The following GTF2F1 variants were observed in gnomAD, a reference collection of about 807,000 sequenced individuals.
GTF2F1 encodes general transcription factor IIF subunit 1.
Under a neutral mutation model 63.5 loss-of-function variants are expected in GTF2F1, and 39 were observed. The ratio of observed to expected loss-of-function variants is 0.61; its 90% confidence interval spans 0.48 to 0.80. The LOEUF (loss-of-function observed/expected upper bound fraction) is 0.80, where lower values mean the gene tolerates loss of function less well. Ranked by LOEUF, GTF2F1 falls within the 30% of genes least tolerant of loss-of-function variation. GTF2F1 has a pLI of 0.00. For synonymous variants in GTF2F1, 287 were observed against 285.3 expected, an observed-to-expected ratio of 1.01 and a Z score of -0.06; for missense variants, 657 against 718.3, an observed-to-expected ratio of 0.91 and a Z score of 0.97.
chr19:6,387,614 G>GCCTC, intron 4 of GTF2F1, 55 bp from the exon 5 acceptor site: 1 of 1,294,950 alleles, frequency 7.7e-7, no homozygotes, highest in Non-Finnish European at 1.1e-6. Context: ...CAGCCCCCCC[G>GCCTC]TGTCCCCCCG....
rs777511430 is a variant in GTF2F1, at chr19:6,391,921, T to C, written c.113A>G (p.Asn38Ser). ...IMAFNAADKVNFATWNQARLE... is the reference protein window; with the variant it reads ...IMAFNAADKVSFATWNQARLE... ...ACTTACCTGATTCCACGTAGCAAAG[T>C]TGACTTTGTCGGCTGCATTAAAAGC... The change falls in exon 3 of 13, where the codon AAC (asparagine) becomes AGC (serine). Residue 38 changes from asparagine to serine, a missense_variant. By Grantham distance (46) the Asn-to-Ser change is conservative. This residue lies in a region of GTF2F1 where 602 missense variants were observed against 625.6 expected (regional missense o/e 0.96). Transcript: ENST00000394456. The C allele has an allele frequency of 1.4e-5, 22 of 1,583,636 alleles. No homozygotes were observed. Among genetic ancestry groups the C allele is most frequent in the South Asian group, 2.3e-5 (2 of 86,730 alleles).
At position 6,392,906 on chromosome 19, in the gene GTF2F1, G is replaced by C. The variant is rs368899356; in HGVS notation, c.13-3C>G. The C allele has an allele frequency of 3.1e-6, 5 of 1,614,180 alleles. No homozygotes were observed. The highest frequency in any genetic ancestry group is 4.2e-6 in the Non-Finnish European group (5 of 1,180,016). ...GTGACATTCTGGCTGCTAGGGCCCT[G>C]CGGAAAGAGGAAGCGGTGAGTGAGG... On this transcript the variant is annotated splice_region_variant and splice_polypyrimidine_tract_variant and intron_variant, in intron 1 of 12. Coordinates refer to ENST00000394456, the MANE Select transcript of GTF2F1 (RefSeq NM_002096.3).
In GTF2F1 at chr19:6,389,450, C is replaced by T; in HGVS notation, c.320G>A (p.Gly107Asp). 1 of 1,613,606 alleles carries T rather than the reference C, an allele frequency of 6.2e-7. No homozygotes were observed. The highest frequency in any genetic ancestry group is 8.5e-7 in the Non-Finnish European group (1 of 1,179,608). ...PWLLRVNGKS[G>D]RKFKGIKKGG... ...CCACCGCCCCACCACTTACTTCCTGCCTGATTTGCCGTTGACCCGGAGCAG... is the reference window on the plus strand; with the variant it reads ...CCACCGCCCCACCACTTACTTCCTGTCTGATTTGCCGTTGACCCGGAGCAG... Residue 107 changes from glycine (G) to aspartate (D), a missense_variant, in exon 4 of 13, where the codon GGC becomes GAC. Physicochemically the swap from Gly to Asp is moderately conservative, Grantham distance 94. This residue lies in a region of GTF2F1 where 602 missense variants were observed against 625.6 expected (regional missense o/e 0.96). Coordinates refer to ENST00000394456, the MANE Select transcript of GTF2F1 (RefSeq NM_002096.3).
At chr19:6,392,110 T>C in intron 2 of GTF2F1, 136 bp from the exon 3 acceptor site, 1 of 679,924 alleles carries the variant, frequency 1.5e-6, no homozygotes, top group Non-Finnish European at 2.7e-6. Context: ...ATTACTTTAA[T>C]TCAATCACTC....
intron 2 of GTF2F1, among the ~76,000 whole-genome samples, chr19:6,392,609 C>G (rs1235821321): frequency 6.6e-6 from 1 of 152,192 alleles, no homozygotes. Flanking sequence ...ATCATGGGAC[C>G]ATATACTCCT....
At position 6,381,086 on chromosome 19, in the gene GTF2F1, C is replaced by A; in HGVS notation, c.1092+36G>T. On this transcript the variant is annotated intron_variant, in intron 10 of 12. Coordinates refer to ENST00000394456, the MANE Select transcript of GTF2F1 (RefSeq NM_002096.3). The surrounding 1 kb of genome is among the most constrained non-coding windows in gnomAD (Gnocchi z 4.1). ...GGAGGTGGGTGAGTCTGCAAACAGA[C>A]GCCCAGGCCTCCCCCGCCACCGGGC... The A allele has an allele frequency of 6.2e-7, 1 of 1,605,488 alleles. No homozygotes were observed. Among genetic ancestry groups the A allele is most frequent in the Non-Finnish European group, 8.5e-7 (1 of 1,176,134 alleles).
chr19:6,383,288 A>C lies in GTF2F1; in HGVS notation c.682+23T>G, dbSNP rs2091960693. ...GCCTGAGCAGGCACCTCTGTGACCT[A>C]ATGCCCAGGCGCCCGTACTCACCCT... On this transcript the variant is annotated intron_variant, in intron 6 of 12. Coordinates refer to ENST00000394456, the MANE Select transcript of GTF2F1 (RefSeq NM_002096.3). The surrounding 1 kb of genome is among the most constrained non-coding windows in gnomAD (Gnocchi z 4.5). The C allele has an allele frequency of 6.2e-7, 1 of 1,610,012 alleles. No homozygotes were observed. Among genetic ancestry groups the C allele is most frequent in the Non-Finnish European group, 8.5e-7 (1 of 1,177,496 alleles).
At position 6,383,339 on chromosome 19, in the gene GTF2F1, GGAC is replaced by G. The variant is rs1568329861; in HGVS notation, c.651_653del (p.Ser218del). Reference sequence around the variant, plus strand: ...CCTCACCACTGGCATCACTGGCATCGGACGACATCTCCAGGTCGTCCTCCAGGT... The same window carrying G: ...CCTCACCACTGGCATCACTGGCATCGGACATCTCCAGGTCGTCCTCCAGGT... On this transcript the variant is annotated inframe_deletion, in exon 6 of 13. Coordinates refer to ENST00000394456, the MANE Select transcript of GTF2F1 (RefSeq NM_002096.3). This position sits in a 1 kb window ranked among gnomAD's most constrained non-coding sequence, Gnocchi z 4.5. 2.5e-6 allele frequency: 4 copies of G among 1,614,028 alleles called. No homozygotes were observed. The highest frequency in any genetic ancestry group is 2.5e-6 in the Non-Finnish European group (3 of 1,180,040).
chr19:6,389,944 T>C lies in GTF2F1; in HGVS notation c.133-307A>G, dbSNP rs553847900. On this transcript the variant is annotated intron_variant, in intron 3 of 12. Coordinates refer to ENST00000394456, the MANE Select transcript of GTF2F1 (RefSeq NM_002096.3). ...GGCAAAATTCCTTATCTGAGGAATGTAGAAGTAATTAATTAGACTTCCCTA... is the reference window on the plus strand; with the variant it reads ...GGCAAAATTCCTTATCTGAGGAATGCAGAAGTAATTAATTAGACTTCCCTA... Among the ~76,000 whole-genome samples the C allele has an allele frequency of 5.9e-4, 90 of 152,372 alleles. 1 individual carries two copies. The highest frequency in any genetic ancestry group is 8.5e-4 in the Non-Finnish European group (58 of 68,032).
At chr19:6,384,622 T>C (rs553071993) in intron 5 of GTF2F1, among the ~76,000 whole-genome samples, 2 of 151,844 alleles carry the variant, frequency 1.3e-5, no homozygotes, top group East Asian at 3.9e-4. Context: ...TTTACCACAC[T>C]GAGCCATGCA....
In GTF2F1 at chr19:6,383,541, C is replaced by G; in HGVS notation, c.498-46G>C. On this transcript the variant is annotated intron_variant, in intron 5 of 12. Transcript: ENST00000394456. This position sits in a 1 kb window ranked among gnomAD's most constrained non-coding sequence, Gnocchi z 4.5. The stretch of plus-strand genomic sequence containing the variant: ...GGCTCATGCCGGGCCTGGCACCACC[C>G]TGCATCTGTGCTTGCAGGGGGCGAG... 6.3e-7 allele frequency: 1 copy of G among 1,593,736 alleles called. No individual in the cohort carries two copies. Among genetic ancestry groups the G allele is most frequent in the Non-Finnish European group, 8.6e-7 (1 of 1,167,940 alleles).
In GTF2F1 at chr19:6,380,615, G is replaced by A. The variant is rs73563878; in HGVS notation, c.1307C>T (p.Ser436Leu). The change falls in exon 12 of 13, where the codon TCG (serine) becomes TTG (leucine). Residue 436 changes from serine (S) to leucine (L), a missense_variant. Around this residue, in one of 2 missense-constraint regions of GTF2F1, gnomAD observed 602 missense variants for 625.6 expected, o/e 0.96. Transcript: ENST00000394456. The surrounding 1 kb of genome is among the most constrained non-coding windows in gnomAD (Gnocchi z 5.3). Reference protein sequence around the residue: ...DTGPQSLSGKSTPQPPSGKTT... With the variant: ...DTGPQSLSGKLTPQPPSGKTT... ...CTTGCCTGATGGTGGCTGGGGTGTC[G>A]ACTTCCCAGACAGGCTCTGGGGTCC... 7.1e-5 allele frequency: 115 copies of A among 1,613,870 alleles called. No individual in the cohort carries two copies. The African/African-American group carries it at 8.9e-4, about 13-fold the overall frequency.
At position 6,383,555 on chromosome 19, in the gene GTF2F1, G is replaced by C; in HGVS notation, c.498-60C>G. ...CTGGCACCACCCTGCATCTGTGCTT[G>C]CAGGGGGCGAGCCCCAGGGCACCAC... On this transcript the variant is annotated intron_variant, in intron 5 of 12. Coordinates refer to ENST00000394456, the MANE Select transcript of GTF2F1 (RefSeq NM_002096.3). The surrounding 1 kb of genome is among the most constrained non-coding windows in gnomAD (Gnocchi z 4.5). 6.4e-7 allele frequency: 1 copy of C among 1,569,424 alleles called. No individual in the cohort carries two copies. Among genetic ancestry groups the C allele is most frequent in the Non-Finnish European group, 8.7e-7 (1 of 1,150,282 alleles).
chr19:6,387,977 T>C lies in GTF2F1; in HGVS notation c.327-418A>G, dbSNP rs189034192. On this transcript the variant is annotated intron_variant, in intron 4 of 12. Transcript: ENST00000394456. Reference sequence around the variant, plus strand: ...TGGAGTCTCGCTCTGGCACCCAGGCTGGAGTGCAGTGGCACCATCTCAGCT... The same window carrying C: ...TGGAGTCTCGCTCTGGCACCCAGGCCGGAGTGCAGTGGCACCATCTCAGCT... Among the ~76,000 whole-genome samples, 50 of 149,998 alleles carry C rather than the reference T, an allele frequency of 3.3e-4. No individual in the cohort carries two copies. The East Asian group carries it at 8.9e-3, about 27-fold the overall frequency.
intron 3 of GTF2F1, among the ~76,000 whole-genome samples, chr19:6,389,989 G>A (rs148378875): frequency 8.5e-4 from 129 of 152,332 alleles, no homozygotes; most frequent in Admixed American, 5.6e-3. Context: ...GCAGGCATCT[G>A]GTTCCAGGAT....
chr19:6,391,300 CCAGATAAACCATGGCCA>C (rs1270914414), intron 3 of GTF2F1, among the ~76,000 whole-genome samples: 1 of 152,168 alleles, frequency 6.6e-6, no homozygotes, highest in Non-Finnish European at 1.5e-5. Context: ...CCTCCCTTGC[CCAGATAAACCATGGCCA>C]AAAATGTCCA....
chr19:6,386,367 A>G (rs1398867566), intron 5 of GTF2F1, among the ~76,000 whole-genome samples: 1 of 151,606 alleles, frequency 6.6e-6, no homozygotes. Flanking sequence ...CAGCCTGGGC[A>G]ACAAGAGCGA....
In GTF2F1 at chr19:6,380,574, CGCT is replaced by C. The variant is rs1568328365; in HGVS notation, c.1345_1347del (p.Ser449del). ...CCCCTGCTGTCCTCGTCAACTTACC[CGCT>C]GTTGGGTGTTGTCTTGCCTGATGGT... On this transcript the variant is annotated inframe_deletion and splice_region_variant, in exon 12 of 13. Transcript: ENST00000394456. The surrounding 1 kb of genome is among the most constrained non-coding windows in gnomAD (Gnocchi z 5.3). 3 of 1,613,858 alleles carry C rather than the reference CGCT, an allele frequency of 1.9e-6. No homozygotes were observed. The highest frequency in any genetic ancestry group is 1.7e-5 in the Admixed American group (1 of 60,006).
chr19:6,385,518 G>A (rs1283999264), intron 5 of GTF2F1, among the ~76,000 whole-genome samples: 3 of 151,444 alleles, frequency 2.0e-5, no homozygotes, highest in Non-Finnish European at 4.4e-5. Flanking sequence ...AGATTCTAAG[G>A]AAAATACAGC....
Sources: gnomAD v4.1 joint callset for allele counts (sites outside exome capture counted in the v4.1 genomes callset) on GRCh38, gnomAD v4.1.1 for gene constraint, gnomAD v4.1.1 regional missense constraint, Gnocchi (gnomAD v3.1) non-coding constraint, MANE v1.5 for transcripts, NCBI Gene and HGNC (gene_info 2026-07-23, HGNC 2026-07-21) for gene names.